ADCY2: variants seen among roughly 807,000 people sequenced by gnomAD.
ADCY2 encodes the protein adenylate cyclase type 2.
In ADCY2, 31 loss-of-function variants were observed where a neutral mutation model predicts 125.2. The observed-to-expected ratio is 0.25, with a 90% confidence interval of 0.19 to 0.33. The LOEUF is 0.33. Among genes scored for constraint, ADCY2 ranks in the 10% least tolerant of loss-of-function variants. ADCY2 has a pLI of 1.00. For missense variants in ADCY2, 904 were observed against 1,418.2 expected, an observed-to-expected ratio of 0.64 and a Z score of 5.82; for synonymous variants, 512 against 548.4, an observed-to-expected ratio of 0.93 and a Z score of 0.93.
chr5:7,422,110 A>AAAAC lies in ADCY2; in HGVS notation c.408+7360_408+7363dup, dbSNP rs201494787. ...TTAAATCCTTCTTGCCTGTTACATT[A>AAAAC]AAACAAACAAACAAACAAACAAAAA... On this transcript the variant is annotated intron_variant, in intron 2 of 24. Coordinates refer to ENST00000338316, the MANE Select transcript of ADCY2 (RefSeq NM_020546.3). Among the ~76,000 whole-genome samples the AAAAC allele has an allele frequency of 6.2e-4, 94 of 152,330 alleles. 1 individual carries two copies. The highest frequency in any genetic ancestry group is 1.9e-3 in the Admixed American group (29 of 15,300).
At chr5:7,823,748 G>C (rs957410334) in intron 24 of ADCY2, among the ~76,000 whole-genome samples, 2 of 152,200 alleles carry the variant, frequency 1.3e-5, no homozygotes, top group Non-Finnish European at 2.9e-5. Flanking sequence ...CTTGGGAGAA[G>C]TATCAAAAGC....
intron 2 of ADCY2, among the ~76,000 whole-genome samples, chr5:7,499,673 A>ATATATG (rs1554014345): frequency 8.6e-6 from 1 of 116,386 alleles, no homozygotes; most frequent in Non-Finnish European, 1.9e-5. Flanking sequence ...ATATATATAT[A>ATATATG]TATATATATG....
At chr5:7,530,937 C>T (rs1016549227) in intron 3 of ADCY2, among the ~76,000 whole-genome samples, 11 of 152,082 alleles carry the variant, frequency 7.2e-5, no homozygotes, top group African/African-American at 7.2e-5. Flanking sequence ...CTTCTCAGGT[C>T]GCAAGGAGCT....
chr5:7,404,336 A>G (rs1739388704), intron 1 of ADCY2, among the ~76,000 whole-genome samples: 1 of 151,930 alleles, frequency 6.6e-6, no homozygotes, highest in African/African-American at 2.4e-5. Flanking sequence ...GTGTGTTTTT[A>G]TCTTTATTAT....
chr5:7,643,874 G>T (rs941425369), intron 4 of ADCY2, among the ~76,000 whole-genome samples: 1 of 150,866 alleles, frequency 6.6e-6, no homozygotes, highest in African/African-American at 2.4e-5. Flanking sequence ...ACATTCCATT[G>T]TGTGTTTTCT....
At chr5:7,645,571 A>G (rs764926157) in intron 4 of ADCY2, among the ~76,000 whole-genome samples, 1 of 152,230 alleles carries the variant, frequency 6.6e-6, no homozygotes, top group African/African-American at 2.4e-5. Context: ...TCACCAGGTT[A>G]CCAGTGAGTG....
intron 4 of ADCY2, among the ~76,000 whole-genome samples, chr5:7,659,488 T>C (rs1192850023): frequency 6.6e-6 from 1 of 152,222 alleles, no homozygotes; most frequent in Non-Finnish European, 1.5e-5. Flanking sequence ...ACCAAACTTA[T>C]TGTCTCTTTC....
chr5:7,693,420 T>TG (rs1199000240), intron 5 of ADCY2, among the ~76,000 whole-genome samples: 1 of 127,462 alleles, frequency 7.8e-6, no homozygotes, highest in African/African-American at 2.8e-5. Context: ...TTTGTTTTTT[T>TG]TTTTTTTTTT....
Position 7,702,649 on chromosome 5 carries a change from C to T in ADCY2, c.1110-4095C>T, listed in dbSNP as rs1741127079. 2.0e-5 allele frequency among the ~76,000 whole-genome samples: 3 copies of T among 152,266 alleles called. No individual in the cohort carries two copies. The South Asian group carries it at 6.2e-4, about 32-fold the overall frequency. On this transcript the variant is annotated intron_variant, in intron 7 of 24. Coordinates refer to ENST00000338316, the MANE Select transcript of ADCY2 (RefSeq NM_020546.3). ...TCACTGATGGACATTTGGGTTGGTT[C>T]CAAGTCTTTGCTATTGTGAATAGTG...
At chr5:7,614,011 G>A (rs1737665403) in intron 3 of ADCY2, among the ~76,000 whole-genome samples, 1 of 152,192 alleles carries the variant, frequency 6.6e-6, no homozygotes, top group South Asian at 2.1e-4. Context: ...GCACTGGGAG[G>A]ACAGGCTTTG....
chr5:7,573,867 G>A lies in ADCY2; in HGVS notation c.571-52300G>A, dbSNP rs372258274. On this transcript the variant is annotated intron_variant, in intron 3 of 24. Coordinates refer to ENST00000338316, the MANE Select transcript of ADCY2 (RefSeq NM_020546.3). ...GCTGGTGCACTGCACCCACTAACTCGTCATCTAGCATTAGGTATATCTCCC... is the reference window on the plus strand; with the variant it reads ...GCTGGTGCACTGCACCCACTAACTCATCATCTAGCATTAGGTATATCTCCC... 6.7e-3 allele frequency among the ~76,000 whole-genome samples: 924 copies of A among 137,700 alleles called. 10 individuals are homozygous for A. The highest frequency in any genetic ancestry group is 0.023 in the African/African-American group (866 of 37,598). The allele number at this position is 137,700 out of a possible 152,430, so 90.3% of individuals were successfully genotyped here. A position where few individuals can be genotyped will look rare whatever the true frequency, so the allele number is the denominator to read the frequency against.
At chr5:7,821,720 A>C (rs1579479649) in intron 24 of ADCY2, among the ~76,000 whole-genome samples, 1 of 152,184 alleles carries the variant, frequency 6.6e-6, no homozygotes, top group Non-Finnish European at 1.5e-5. Context: ...AAGGCTCTGG[A>C]GAACTCGATT....
chr5:7,658,427 GTGTGTATATA>G (rs1351019194), intron 4 of ADCY2, among the ~76,000 whole-genome samples: 6 of 142,086 alleles, frequency 4.2e-5, no homozygotes, highest in African/African-American at 1.5e-4. Flanking sequence ...GTGTGTGTGT[GTGTGTATATA>G]TATATATATT....
At chr5:7,683,239 T>C (rs934606863) in intron 4 of ADCY2, among the ~76,000 whole-genome samples, 1 of 152,202 alleles carries the variant, frequency 6.6e-6, no homozygotes, top group Non-Finnish European at 1.5e-5. Flanking sequence ...CCAGAGCTTT[T>C]ACCCTGAAGC....
chr5:7,815,414 G>A (rs956395266), intron 22 of ADCY2, among the ~76,000 whole-genome samples: 1 of 152,092 alleles, frequency 6.6e-6, no homozygotes, highest in South Asian at 2.1e-4. Context: ...TTGAAACCCC[G>A]AAGGCCCAGC....
chr5:7,399,135 C>T (rs1739169048), intron 1 of ADCY2, among the ~76,000 whole-genome samples: 1 of 152,186 alleles, frequency 6.6e-6, no homozygotes, highest in African/African-American at 2.4e-5. Flanking sequence ...AATTCAGGAG[C>T]TAAGCAGATC....
chr5:7,566,501 A>C (rs1354687938), intron 3 of ADCY2, among the ~76,000 whole-genome samples: 1 of 152,068 alleles, frequency 6.6e-6, no homozygotes, highest in African/African-American at 2.4e-5. Context: ...TGTCTCTAAA[A>C]AGAGAAAGAG....
chr5:7,433,909 A>G (rs1200946119), intron 2 of ADCY2, among the ~76,000 whole-genome samples: 1 of 152,222 alleles, frequency 6.6e-6, no homozygotes, highest in Non-Finnish European at 1.5e-5. Context: ...TACTTCTGTC[A>G]TGTCATGTCT....
intron 2 of ADCY2, among the ~76,000 whole-genome samples, chr5:7,489,765 A>C (rs1743089635): frequency 6.6e-6 from 1 of 152,162 alleles, no homozygotes; most frequent in Non-Finnish European, 1.5e-5. Flanking sequence ...AAAACATAGA[A>C]TATCCTCAAT....
Sources: gnomAD v4.1 joint callset for allele counts (sites outside exome capture counted in the v4.1 genomes callset) on GRCh38, gnomAD v4.1.1 for gene constraint, MANE v1.5 for transcripts, NCBI Gene and HGNC (gene_info 2026-07-23, HGNC 2026-07-21) for gene names.